PSMG1: variants seen among roughly 807,000 people sequenced by gnomAD.
The protein encoded by PSMG1 is proteasome assembly chaperone 1.
Under a neutral mutation model 37.2 loss-of-function variants are expected in PSMG1, and 23 were observed. The observed-to-expected ratio is 0.62, with a 90% CI of 0.44 to 0.88. PSMG1 has a LOEUF of 0.88. Among genes scored for constraint, PSMG1 ranks in the 40% least tolerant of loss-of-function variants. The probability of loss-of-function intolerance (pLI) is 0.00; values close to 1 mark genes in which losing one functional copy is unlikely to be tolerated. For missense variants in PSMG1, 340 were observed against 344.2 expected (o/e 0.99, Z 0.10); for synonymous variants, 127 against 128.0 (o/e 0.99, Z 0.05).
chr21:39,178,475 T>C lies in PSMG1; in HGVS notation c.629A>G (p.Asn210Ser), dbSNP rs1333723523. 3.1e-6 allele frequency: 5 copies of C among 1,613,892 alleles called. No homozygotes were observed. The Admixed American group carries it at 8.3e-5, about 27-fold the overall frequency. Residue 210 changes from asparagine (N) to serine (S), a missense_variant, in exon 5 of 7, where the codon AAT (asparagine) becomes AGT (serine). By Grantham distance (46) the Asn-to-Ser change is conservative. Coordinates refer to ENST00000331573, the MANE Select transcript of PSMG1 (RefSeq NM_003720.4). The part of the protein sequence containing the change: ...SACCPLLEQP[N>S]IVHDLPAAVL... ...TGCTGCAGGAAGGTCGTGTACTATA[T>C]TCGGTTGTTCTAGCAATGGACAACA...
intron 2 of PSMG1, among the ~76,000 whole-genome samples, chr21:39,180,791 C>CT (rs1404118386): frequency 2.0e-5 from 3 of 152,166 alleles, no homozygotes; most frequent in Non-Finnish European, 4.4e-5. Flanking sequence ...TCTACAACCA[C>CT]TAGGGGTACC....
At position 39,175,884 on chromosome 21, in the gene PSMG1, G is replaced by A. The variant is rs1280026452; in HGVS notation, c.793-220C>T. ...CGCCGATGATCTCCTGGCCTCCGATGGTCTCCTGGCCTCTGGAGGAAGTCT... is the reference window on the plus strand; with the variant it reads ...CGCCGATGATCTCCTGGCCTCCGATAGTCTCCTGGCCTCTGGAGGAAGTCT... On this transcript the variant is annotated intron_variant, in intron 6 of 6. Coordinates refer to ENST00000331573, the MANE Select transcript of PSMG1 (RefSeq NM_003720.4). 3.3e-5 allele frequency among the ~76,000 whole-genome samples: 5 copies of A among 152,182 alleles called. No individual in the cohort carries two copies. The East Asian group carries it at 9.7e-4, about 29-fold the overall frequency.
Position 39,181,874 on chromosome 21 carries a change from C to T in PSMG1, c.139G>A (p.Val47Met), listed in dbSNP as rs1318341073. The change falls in exon 2 of 7, where the codon GTG (valine) becomes ATG (methionine). Residue 47 changes from valine (V) to methionine (M), a missense_variant. Coordinates refer to ENST00000331573, the MANE Select transcript of PSMG1 (RefSeq NM_003720.4). ...VRLQLARKRE[V>M]RLLRRQTKTS... is the part of the protein sequence containing the mutation. ...TTTGTTTGTCTTCGAAGGAGCCGCA[C>T]TTCCCTAACACAAGAAACAAGATGA... 2 of 1,578,568 alleles carry T rather than the reference C, an allele frequency of 1.3e-6. No individual in the cohort carries two copies. The highest frequency in any genetic ancestry group is 1.9e-5 in the Admixed American group (1 of 51,438).
In PSMG1 at chr21:39,183,433, A is replaced by C. The variant is rs765692331; in HGVS notation, c.-48T>G. On this transcript the variant is annotated 5_prime_UTR_variant, in exon 1 of 7. Coordinates refer to ENST00000331573, the MANE Select transcript of PSMG1 (RefSeq NM_003720.4). The stretch of plus-strand genomic sequence containing the variant: ...CACAACTGCAGCGCCGCGGGACCGC[A>C]CGCCGGCTTGCGCGAGACCACGCTC... The C allele has an allele frequency of 1.3e-6, 2 of 1,526,320 alleles. No homozygotes were observed. Among genetic ancestry groups the C allele is most frequent in the Admixed American group, 1.9e-5 (1 of 51,598 alleles). The allele number at this position is 1,526,320 out of a possible 1,614,324, so 94.5% of individuals were successfully genotyped here.
intron 1 of PSMG1, 91 bp downstream of exon 1, chr21:39,183,161 G>C (rs2030928507): frequency 1.4e-6 from 2 of 1,388,972 alleles, no homozygotes; most frequent in Non-Finnish European, 1.9e-6. Context: ...TCGGAAGACC[G>C]CGGAGCCCCG....
intron 1 of PSMG1, among the ~76,000 whole-genome samples, chr21:39,182,153 A>G (rs2030851664): frequency 6.6e-6 from 1 of 152,248 alleles, no homozygotes; most frequent in Non-Finnish European, 1.5e-5. Context: ...AGCTGGGGAT[A>G]GCCTGCAATA....
At position 39,180,286 on chromosome 21, in the gene PSMG1, G is replaced by A. The variant is rs780777266; in HGVS notation, c.392C>T (p.Ser131Leu). 14 of 1,596,500 alleles carry A rather than the reference G, an allele frequency of 8.8e-6. No individual in the cohort carries two copies. The highest frequency in any genetic ancestry group is 4.5e-5 in the East Asian group (2 of 44,692). The change falls in exon 3 of 7, where the codon TCG (serine) becomes TTG (leucine). Residue 131 changes from serine to leucine, a missense_variant and splice_region_variant. Transcript: ENST00000331573. ...CVFYHLKSNP[S>L]VFLCQCSCYV... is the part of the protein sequence containing the mutation. ...TTCAAACATACAAGTCCCACCTACC[G>A]AGGGATTGGATTTTAGATGATAAAA... is the stretch of plus-strand genomic sequence containing the variant.
rs778261358 is a variant in PSMG1 at position 39,178,679 on chromosome 21, AC to A, written c.457-33del. Reference sequence around the variant, plus strand: ...TAAAATTTATTTCAAATTAAAAAAAACATATAATTTTGTTACAGAATGGAAA... The same window carrying A: ...TAAAATTTATTTCAAATTAAAAAAAAATATAATTTTGTTACAGAATGGAAA... On this transcript the variant is annotated intron_variant, in intron 4 of 6. Coordinates refer to ENST00000331573, the MANE Select transcript of PSMG1 (RefSeq NM_003720.4). The A allele has an allele frequency of 1.5e-4, 242 of 1,568,756 alleles. 3 individuals carry two copies. The highest frequency in any genetic ancestry group is 5.1e-5 in the Non-Finnish European group (59 of 1,150,402).
At chr21:39,183,192 T>C (rs2030932647) in intron 1 of PSMG1, 60 bp downstream of exon 1, 1 of 1,469,824 alleles carries the variant, frequency 6.8e-7, no homozygotes, top group African/African-American at 1.5e-5. Flanking sequence ...CCGTCGCGGC[T>C]GCCAGGCCCG....
Position 39,178,545 on chromosome 21 carries a change from G to A in PSMG1, c.559C>T (p.Pro187Ser), listed in dbSNP as rs1466856022. Residue 187 changes from proline to serine, a missense_variant, in exon 5 of 7, where the codon CCT (proline) becomes TCT (serine). Coordinates refer to ENST00000331573, the MANE Select transcript of PSMG1 (RefSeq NM_003720.4). ...TSESTGSLPS[P>S]FLRALKTQNF... The stretch of plus-strand genomic sequence containing the variant: ...TGTGTTTTTAGGGCTCTCAGGAAAG[G>A]AGAAGGAAGGCTGCCGGTGGATTCT... 4 of 1,614,122 alleles carry A rather than the reference G, an allele frequency of 2.5e-6. No individual in the cohort carries two copies. Among genetic ancestry groups the A allele is most frequent in the Admixed American group, 1.7e-5 (1 of 60,032 alleles).
chr21:39,175,507 C>A lies in PSMG1; in HGVS notation c.*83G>T. 1 of 1,431,614 alleles carries A rather than the reference C, an allele frequency of 7.0e-7. No individual in the cohort carries two copies. The highest frequency in any genetic ancestry group is 2.7e-5 in the Admixed American group (1 of 37,688). The allele number at this position is 1,431,614 out of a possible 1,614,324, so 88.7% of individuals were successfully genotyped here. On this transcript the variant is annotated 3_prime_UTR_variant, in exon 7 of 7. Coordinates refer to ENST00000331573, the MANE Select transcript of PSMG1 (RefSeq NM_003720.4). ...TTTCATCATTCTCAAAATATATCCCCCAAAAGTAATCTACAAAAGAGTGCA... is the reference window on the plus strand; with the variant it reads ...TTTCATCATTCTCAAAATATATCCCACAAAAGTAATCTACAAAAGAGTGCA...
Position 39,183,346 on chromosome 21 carries a change from A to C in PSMG1, c.40T>G (p.Cys14Gly), listed in dbSNP as rs1239246938. The C allele has an allele frequency of 6.4e-7, 1 of 1,573,352 alleles. No individual in the cohort carries two copies. Among genetic ancestry groups the C allele is most frequent in the Non-Finnish European group, 8.6e-7 (1 of 1,162,678 alleles). ...TCTTCGTCCTCAGTCCCAGCTCGGC[A>C]CGGCGCCTTCACCACCTCTCCGAAG... ...TFFGEVVKAP[C>G]RAGTEDEEEE... The change falls in exon 1 of 7, where the codon TGC (cysteine) becomes GGC (glycine). Residue 14 changes from cysteine (C) to glycine (G), a missense_variant. By Grantham distance (159) the Cys-to-Gly change is radical. Coordinates refer to ENST00000331573, the MANE Select transcript of PSMG1 (RefSeq NM_003720.4).
intron 6 of PSMG1, 47 bp from the exon 7 acceptor site, chr21:39,175,711 G>C (rs745407029): frequency 3.2e-6 from 4 of 1,261,978 alleles, no homozygotes; most frequent in Admixed American, 3.4e-5. Context: ...CAGGGATTCA[G>C]GCAGAGGCAA....
intron 6 of PSMG1, among the ~76,000 whole-genome samples, chr21:39,176,961 T>A (rs1229893532): frequency 6.6e-6 from 1 of 152,222 alleles, no homozygotes; most frequent in African/African-American, 2.4e-5. Context: ...CCAATTTTTT[T>A]AGAAAATGAG....
rs200278874 is a variant in PSMG1, at chr21:39,180,292, T to C, written c.386A>G (p.Asn129Ser). 9.3e-5 allele frequency: 149 copies of C among 1,600,364 alleles called. No individual in the cohort carries two copies. The highest frequency in any genetic ancestry group is 6.7e-4 in the Middle Eastern group (4 of 6,008). ...AFCVFYHLKS[N>S]PSVFLCQCSC... ...CATACAAGTCCCACCTACCGAGGGA[T>C]TGGATTTTAGATGATAAAACACACA... The change falls in exon 3 of 7, where the codon AAT becomes AGT. Residue 129 changes from asparagine (N) to serine (S), a missense_variant. Coordinates refer to ENST00000331573, the MANE Select transcript of PSMG1 (RefSeq NM_003720.4).
rs955036774 is a variant in PSMG1, at chr21:39,183,447, G to T, written c.-62C>A. ...CGCGGGACCGCACGCCGGCTTGCGC[G>T]AGACCACGCTCCCTCACCGCGCGGG... On this transcript the variant is annotated 5_prime_UTR_variant, in exon 1 of 7. Transcript: ENST00000331573. The T allele has an allele frequency of 1.3e-5, 20 of 1,505,464 alleles. No individual in the cohort carries two copies. The highest frequency in any genetic ancestry group is 1.0e-4 in the Admixed American group (5 of 49,558). 93.3% of individuals were successfully genotyped at this position (1,505,464 alleles called of 1,614,324 possible). A position where few individuals can be genotyped will look rare whatever the true frequency, so the allele number is the denominator to read the frequency against.
rs773357892 is a variant in PSMG1, at chr21:39,181,779, A to G, written c.234T>C (p.Asn78=). 6.8e-5 allele frequency: 106 copies of G among 1,564,494 alleles called. 1 individual carries two copies. The highest frequency in any genetic ancestry group is 4.3e-5 in the Non-Finnish European group (50 of 1,159,516). ...TTCTGCATTTTCACTTACCTACTGC[A>G]TTATTTCCTATAGCAATTATAAACT... ...CSKFIIAIGN[N]AVAFLSSFVM... Residue 78 remains asparagine, a synonymous_variant, in exon 2 of 7, where the codon AAT becomes AAC. Coordinates refer to ENST00000331573, the MANE Select transcript of PSMG1 (RefSeq NM_003720.4).
At chr21:39,183,457 T>A, upstream of PSMG1, 2 of 1,478,976 alleles carry the variant, frequency 1.4e-6, no homozygotes, top group African/African-American at 2.9e-5. Context: ...GAGACCACGC[T>A]CCCTCACCGC....
At position 39,180,370 on chromosome 21, in the gene PSMG1, T is replaced by C; in HGVS notation, c.308A>G (p.Asn103Ser). 1 of 1,612,100 alleles carries C rather than the reference T, an allele frequency of 6.2e-7. No individual in the cohort carries two copies. The highest frequency in any genetic ancestry group is 8.5e-7 in the Non-Finnish European group (1 of 1,178,998). Residue 103 changes from asparagine to serine, a missense_variant, in exon 3 of 7, where the codon AAT becomes AGT. By Grantham distance (46) the Asn-to-Ser change is conservative. Coordinates refer to ENST00000331573, the MANE Select transcript of PSMG1 (RefSeq NM_003720.4). ...AGTGTCTGTTGTTCTACACCATTCA[T>C]TCCAGAGTTTAGCACAACCAACTTC... ...WEEVGCAKLW[N>S]EWCRTTDTTH...
Sources: allele counts gnomAD v4.1 joint callset (sites outside exome capture counted in the v4.1 genomes callset), GRCh38; gene constraint gnomAD v4.1.1; transcripts MANE v1.5; gene names NCBI Gene and HGNC (gene_info 2026-07-23, HGNC 2026-07-21).